BRINP1: variants seen among roughly 807,000 people sequenced by gnomAD.
BRINP1 encodes the protein BMP/retinoic acid inducible neural specific 1, also known as BMP/retinoic acid-inducible neural-specific protein 1.
In BRINP1, 17 loss-of-function variants were observed where a neutral mutation model predicts 72.9. The observed-to-expected ratio is 0.23, with a 90% CI of 0.16 to 0.35. The LOEUF (loss-of-function observed/expected upper bound fraction) is 0.35. Ranked by LOEUF, BRINP1 falls within the 10% of genes least tolerant of loss-of-function variation. The pLI, the probability that BRINP1 is intolerant of heterozygous loss-of-function variation, is 1.00. For missense variants in BRINP1, 850 were observed against 1,001.6 expected (o/e 0.85, Z 2.04); for synonymous variants, 418 against 378.5 (o/e 1.10, Z -1.21).
intron 2 of BRINP1, among the ~76,000 whole-genome samples, chr9:119,311,139 A>C (rs906639037): frequency 2.6e-5 from 4 of 152,168 alleles, no homozygotes; most frequent in Admixed American, 2.6e-4. Context: ...CTATGACAGC[A>C]ACTACTATAT....
Position 119,368,818 on chromosome 9 carries a change from C to T in BRINP1, c.-51+238G>A, listed in dbSNP as rs1831722680. The stretch of plus-strand genomic sequence containing the variant: ...CCCACCATGGTGCACACGTCGGGAG[C>T]GCGCGGGGACACACACGCCACTCAC... On this transcript the variant is annotated intron_variant, in intron 1 of 7. Coordinates refer to ENST00000265922, the MANE Select transcript of BRINP1 (RefSeq NM_014618.3). This position sits in a 1 kb window ranked among gnomAD's most constrained non-coding sequence, Gnocchi z 4.7. Among the ~76,000 whole-genome samples the T allele has an allele frequency of 6.6e-6, 1 of 152,124 alleles. No homozygotes were observed.
intron 5 of BRINP1, among the ~76,000 whole-genome samples, chr9:119,218,976 G>C (rs1242597022): frequency 6.6e-6 from 1 of 152,076 alleles, no homozygotes; most frequent in African/African-American, 2.4e-5. Context: ...GGTCATGTGG[G>C]TGGTGCCCTT....
chr9:119,214,084 T>C lies in BRINP1; in HGVS notation c.757A>G (p.Asn253Asp). The C allele has an allele frequency of 6.2e-7, 1 of 1,614,146 alleles. No homozygotes were observed. Among genetic ancestry groups the C allele is most frequent in the Non-Finnish European group, 8.5e-7 (1 of 1,180,020 alleles). Residue 253 changes from asparagine (N) to aspartate (D), a missense_variant, in exon 6 of 8, where the codon AAT becomes GAT. Physicochemically the swap from Asn to Asp is conservative, Grantham distance 23. Transcript: ENST00000265922. ...TGGCACAGGTACTCCCCCTCCCCAT[T>C]GCACATGATATAGCTCAAGGCCGAC... ...VQSALSYIMC[N>D]GEGEYLCQNS...
At chr9:119,234,599 T>C (rs1728382498) in intron 5 of BRINP1, among the ~76,000 whole-genome samples, 1 of 152,178 alleles carries the variant, frequency 6.6e-6, no homozygotes, top group Admixed American at 6.5e-5. Flanking sequence ...ATATTAATAG[T>C]ATTTTGATGA....
At chr9:119,246,726 TAC>T (rs1830322605) in intron 3 of BRINP1, among the ~76,000 whole-genome samples, 1 of 152,192 alleles carries the variant, frequency 6.6e-6, no homozygotes, top group South Asian at 2.1e-4. Flanking sequence ...CCTTCTCTCA[TAC>T]TGCAGAGGAG....
chr9:119,347,500 CATT>C (rs559095249), intron 1 of BRINP1, among the ~76,000 whole-genome samples: 148 of 152,198 alleles, frequency 9.7e-4, no homozygotes, highest in African/African-American at 3.4e-3. Flanking sequence ...AGGTAGCTAT[CATT>C]ATTATTATTG....
chr9:119,174,402 C>G (rs1156345489), intron 7 of BRINP1, among the ~76,000 whole-genome samples: 2 of 150,036 alleles, frequency 1.3e-5, no homozygotes, highest in African/African-American at 2.5e-5. Context: ...AAATGCAAAT[C>G]AAAACCACAA....
At chr9:119,198,410 C>G (rs182477835) in intron 7 of BRINP1, among the ~76,000 whole-genome samples, 44 of 152,236 alleles carry the variant, frequency 2.9e-4, no homozygotes, top group South Asian at 4.1e-4. Flanking sequence ...AAAATTGAAG[C>G]CTGAATGCCT....
chr9:119,254,857 A>G (rs992193267), intron 2 of BRINP1, among the ~76,000 whole-genome samples: 2 of 152,208 alleles, frequency 1.3e-5, no homozygotes, highest in African/African-American at 4.8e-5. Flanking sequence ...CAAGTGCCCA[A>G]ATATATTTGG....
chr9:119,358,958 T>C (rs1831601567), intron 1 of BRINP1, among the ~76,000 whole-genome samples: 1 of 152,200 alleles, frequency 6.6e-6, no homozygotes. Context: ...ATTGAGCACA[T>C]TCATTTGGAA....
At chr9:119,195,071 A>T (rs1829722537) in intron 7 of BRINP1, among the ~76,000 whole-genome samples, 1 of 152,204 alleles carries the variant, frequency 6.6e-6, no homozygotes, top group Non-Finnish European at 1.5e-5. Context: ...TCATAATATT[A>T]GGTCATTTAG....
At chr9:119,265,616 C>T (rs995323328) in intron 2 of BRINP1, among the ~76,000 whole-genome samples, 1 of 152,010 alleles carries the variant, frequency 6.6e-6, no homozygotes, top group Admixed American at 6.6e-5. Context: ...AACAAACAAA[C>T]AAACAAACAA....
chr9:119,299,332 G>A (rs559248693), intron 2 of BRINP1, among the ~76,000 whole-genome samples: 1 of 152,070 alleles, frequency 6.6e-6, no homozygotes, highest in Non-Finnish European at 1.5e-5. Flanking sequence ...AGTACAAGTG[G>A]GCCGGGCGCG....
At chr9:119,168,689 G>GAGGGTGTATAACATCTACC (rs1829352845) in intron 7 of BRINP1, among the ~76,000 whole-genome samples, 2 of 118,228 alleles carry the variant, frequency 1.7e-5, no homozygotes, top group African/African-American at 5.1e-5. Flanking sequence ...TTCCTCCCAT[G>GAGGGTGTATAACATCTACC]AGGGTGTATA....
At chr9:119,176,987 G>T (rs2118833081) in intron 7 of BRINP1, among the ~76,000 whole-genome samples, 1 of 152,230 alleles carries the variant, frequency 6.6e-6, no homozygotes, top group South Asian at 2.1e-4. Flanking sequence ...TCAAAACACT[G>T]TATTGAAACC....
chr9:119,181,598 G>T (rs1429896213), intron 7 of BRINP1, among the ~76,000 whole-genome samples: 5 of 152,156 alleles, frequency 3.3e-5, no homozygotes, highest in African/African-American at 9.7e-5. Flanking sequence ...AACCATGATT[G>T]TTACTGAGGG....
At chr9:119,201,328 T>C (rs780847601) in intron 7 of BRINP1, among the ~76,000 whole-genome samples, 13 of 152,224 alleles carry the variant, frequency 8.5e-5, no homozygotes, top group Admixed American at 3.3e-4. Context: ...CTTCTACCAA[T>C]AGTCTTGAAT....
chr9:119,327,843 C>G (rs1393005309), intron 1 of BRINP1, among the ~76,000 whole-genome samples: 1 of 151,916 alleles, frequency 6.6e-6, no homozygotes, highest in Admixed American at 6.6e-5. Context: ...CCTCTTGGAT[C>G]TGTTGCATTT....
intron 1 of BRINP1, among the ~76,000 whole-genome samples, chr9:119,365,890 T>C (rs989217902): frequency 5.9e-5 from 9 of 152,064 alleles, no homozygotes; most frequent in African/African-American, 1.7e-4. Context: ...AAATCCTGCA[T>C]GGAAAAGGCT....
Sources: allele counts gnomAD v4.1 joint callset (sites outside exome capture counted in the v4.1 genomes callset), GRCh38; gene constraint gnomAD v4.1.1; non-coding constraint Gnocchi (gnomAD v3.1); transcripts MANE v1.5; gene names NCBI Gene and HGNC (gene_info 2026-07-23, HGNC 2026-07-21).